The following SPOCK3 variants were observed in gnomAD, a reference collection of about 807,000 sequenced individuals.
SPOCK3 encodes SPARC (osteonectin), cwcv and kazal like domains proteoglycan 3.
Under a neutral mutation model 56.6 loss-of-function variants are expected in SPOCK3, and 30 were observed. The observed-to-expected ratio is 0.53, with a 90% confidence interval of 0.40 to 0.72. The LOEUF (loss-of-function observed/expected upper bound fraction) is 0.72, where lower values mean the gene tolerates loss of function less well. Ranked by LOEUF, SPOCK3 falls within the 30% of genes least tolerant of loss-of-function variation. The pLI, the probability that SPOCK3 is intolerant of heterozygous loss-of-function variation, is 0.00. For missense variants in SPOCK3, 527 were observed against 530.0 expected, an observed-to-expected ratio of 0.99 and a Z score of 0.06; for synonymous variants, 196 against 183.3, an observed-to-expected ratio of 1.07 and a Z score of -0.56.
chr4:166,887,234 C>T (rs1414825122), intron 6 of SPOCK3, among the ~76,000 whole-genome samples: 1 of 152,146 alleles, frequency 6.6e-6, no homozygotes, highest in Admixed American at 6.6e-5. Context: ...ATTAATACTA[C>T]ATCAGCAATA....
At chr4:166,986,966 C>G (rs969980022) in intron 4 of SPOCK3, among the ~76,000 whole-genome samples, 2 of 152,108 alleles carry the variant, frequency 1.3e-5, no homozygotes, top group Admixed American at 1.3e-4. Context: ...CTGCCCTCAC[C>G]CTCTGACTAG....
chr4:167,071,908 C>T lies in SPOCK3; in HGVS notation c.190-9371G>A, dbSNP rs1008114813. ...TGTTGTTTCCTGACTTTTTAATGATCGCCATTCTAACTGGTGTGAGATGGT... is the reference window on the plus strand; with the variant it reads ...TGTTGTTTCCTGACTTTTTAATGATTGCCATTCTAACTGGTGTGAGATGGT... On this transcript the variant is annotated intron_variant, in intron 2 of 10. Coordinates refer to ENST00000357545, the MANE Select transcript of SPOCK3 (RefSeq NM_001040159.2). 3.1e-4 allele frequency among the ~76,000 whole-genome samples: 47 copies of T among 151,946 alleles called. 1 individual carries two copies. Among genetic ancestry groups the T allele is most frequent in the African/African-American group, 8.2e-4 (34 of 41,504 alleles).
At chr4:167,028,224 A>ATT (rs113702569) in intron 3 of SPOCK3, among the ~76,000 whole-genome samples, 10 of 147,270 alleles carry the variant, frequency 6.8e-5, no homozygotes, top group African/African-American at 2.2e-4. Context: ...CTGTCTTTAC[A>ATT]TTTTTTTTTT....
At chr4:166,802,684 T>A (rs1579272510) in intron 6 of SPOCK3, among the ~76,000 whole-genome samples, 1 of 151,956 alleles carries the variant, frequency 6.6e-6, no homozygotes, top group East Asian at 1.9e-4. Context: ...TTTGAAGGGG[T>A]CACAAATGTT....
intron 2 of SPOCK3, among the ~76,000 whole-genome samples, chr4:167,116,625 A>ATATACTATATACGTATATATATACACG (rs1554038945): frequency 0.017 from 2,072 of 125,204 alleles, 125 homozygotes; most frequent in African/African-American, 0.059. Context: ...ATATATATAC[A>ATATACTATATACGTATATATATACACG]TATATACTAT....
At chr4:167,151,893 G>C (rs1580448362) in intron 2 of SPOCK3, among the ~76,000 whole-genome samples, 1 of 152,188 alleles carries the variant, frequency 6.6e-6, no homozygotes, top group East Asian at 1.9e-4. Context: ...GCTCTGCTAA[G>C]TAAGCCATCT....
intron 6 of SPOCK3, among the ~76,000 whole-genome samples, chr4:166,850,405 G>C (rs1014464684): frequency 6.6e-6 from 1 of 152,150 alleles, no homozygotes; most frequent in Non-Finnish European, 1.5e-5. Flanking sequence ...GATATAATAG[G>C]GTTCTGGATT....
chr4:166,847,176 G>A (rs973837167), intron 6 of SPOCK3, among the ~76,000 whole-genome samples: 2 of 152,064 alleles, frequency 1.3e-5, no homozygotes, highest in Non-Finnish European at 2.9e-5. Context: ...ATATGATGGA[G>A]GAAATAAGAC....
intron 6 of SPOCK3, among the ~76,000 whole-genome samples, chr4:166,878,841 G>A (rs1020255493): frequency 1.3e-5 from 2 of 152,186 alleles, no homozygotes; most frequent in East Asian, 1.9e-4. Flanking sequence ...TAACTTATCC[G>A]TGGCTCAGGT....
intron 3 of SPOCK3, among the ~76,000 whole-genome samples, chr4:167,030,248 A>G (rs899675275): frequency 4.6e-5 from 7 of 152,028 alleles, no homozygotes; most frequent in Non-Finnish European, 8.8e-5. Context: ...TTTAGTATAC[A>G]CTGAATCTCA....
intron 6 of SPOCK3, among the ~76,000 whole-genome samples, chr4:166,853,243 C>G (rs771190159): frequency 6.6e-6 from 1 of 151,982 alleles, no homozygotes; most frequent in African/African-American, 2.4e-5. Context: ...AGAAGAAGAA[C>G]TAAAACTGGT....
Position 167,162,747 on chromosome 4 carries a change from C to T in SPOCK3, c.189+71238G>A, listed in dbSNP as rs142145628. ...ATCATGGCAAATGTTCAGCAAATGC[C>T]AATTGTATTTACTCTCGACTTTTTT... is the stretch of plus-strand genomic sequence containing the variant. On this transcript the variant is annotated intron_variant, in intron 2 of 10. Coordinates refer to ENST00000357545, the MANE Select transcript of SPOCK3 (RefSeq NM_001040159.2). Among the ~76,000 whole-genome samples the T allele has an allele frequency of 9.5e-3, 1,450 of 152,062 alleles. 16 individuals carry two copies. The highest frequency in any genetic ancestry group is 0.013 in the Non-Finnish European group (911 of 67,976).
chr4:166,768,377 G>C (rs539616245), intron 7 of SPOCK3, among the ~76,000 whole-genome samples: 42 of 152,248 alleles, frequency 2.8e-4, no homozygotes, highest in African/African-American at 9.9e-4. Flanking sequence ...TTGTAGGGCA[G>C]GCCTGGTGGT....
chr4:167,075,833 A>G (rs990299931), intron 2 of SPOCK3, among the ~76,000 whole-genome samples: 5 of 151,828 alleles, frequency 3.3e-5, no homozygotes, highest in African/African-American at 1.2e-4. Context: ...TTTGTATGTG[A>G]ATTAGGATAT....
chr4:167,083,237 C>T (rs959013579), intron 2 of SPOCK3: 3 of 765,268 alleles, frequency 3.9e-6, no homozygotes, highest in Non-Finnish European at 7.2e-6. Context: ...CCAAAGCAAA[C>T]CTCTACTTCC....
At chr4:166,943,129 C>CA (rs1445311671) in intron 4 of SPOCK3, among the ~76,000 whole-genome samples, 1 of 152,082 alleles carries the variant, frequency 6.6e-6, no homozygotes, top group Non-Finnish European at 1.5e-5. Context: ...AAGAACACAC[C>CA]AATTAAAAAA....
chr4:167,002,554 T>C (rs1181353291), intron 3 of SPOCK3, among the ~76,000 whole-genome samples: 2 of 152,208 alleles, frequency 1.3e-5, no homozygotes, highest in East Asian at 3.8e-4. Context: ...AGATTAATTA[T>C]AGCTTTCCTT....
At chr4:167,090,297 T>G (rs542834614) in intron 2 of SPOCK3, among the ~76,000 whole-genome samples, 1 of 152,182 alleles carries the variant, frequency 6.6e-6, no homozygotes, top group East Asian at 1.9e-4. Context: ...ATTGTCTTTT[T>G]TTTTCTTTTC....
chr4:167,174,738 G>C (rs928862022), intron 2 of SPOCK3, among the ~76,000 whole-genome samples: 1 of 152,178 alleles, frequency 6.6e-6, no homozygotes, highest in Non-Finnish European at 1.5e-5. Context: ...TATAGAGTGG[G>C]ACCTTGGGGG....
Sources: allele counts gnomAD v4.1 joint callset (sites outside exome capture counted in the v4.1 genomes callset), GRCh38; gene constraint gnomAD v4.1.1; transcripts MANE v1.5; gene names NCBI Gene and HGNC (gene_info 2026-07-23, HGNC 2026-07-21).